The following TSHZ2 variants were observed in gnomAD, a reference collection of about 807,000 sequenced individuals.
TSHZ2 encodes teashirt zinc finger homeobox 2, also known as teashirt homolog 2.
A neutral mutation model predicts 74.4 loss-of-function variants in TSHZ2; 21 were observed. That is an observed-to-expected ratio of 0.28 (90% confidence interval 0.20 to 0.41). The LOEUF is 0.41. Ranked by LOEUF, TSHZ2 falls within the 10% of genes least tolerant of loss-of-function variation. The pLI is 1.00. For synonymous variants in TSHZ2, 540 were observed against 515.3 expected, an observed-to-expected ratio of 1.05 and a Z score of -0.65; for missense variants, 1,244 against 1,293.5, an observed-to-expected ratio of 0.96 and a Z score of 0.59.
intron 2 of TSHZ2, chr20:53,421,512 CA>C: frequency 4.3e-6 from 1 of 233,582 alleles, no homozygotes; most frequent in Non-Finnish European, 9.0e-6. Flanking sequence ...TCTGCACTGC[CA>C]AAATCGAGTG....
At chr20:53,392,284 A>G (rs541807845) in intron 2 of TSHZ2, among the ~76,000 whole-genome samples, 4 of 152,158 alleles carry the variant, frequency 2.6e-5, no homozygotes, top group African/African-American at 4.8e-5. Flanking sequence ...ATCTCTACTA[A>G]ATACAAAAAA....
At chr20:53,366,279 A>G (rs371482695) in intron 2 of TSHZ2, among the ~76,000 whole-genome samples, 2 of 152,198 alleles carry the variant, frequency 1.3e-5, no homozygotes, top group South Asian at 2.1e-4. Flanking sequence ...ATTCAGTCCC[A>G]CTGTCCACAG....
chr20:52,994,604 C>T (rs1470344429), intron 1 of TSHZ2, among the ~76,000 whole-genome samples: 1 of 152,200 alleles, frequency 6.6e-6, no homozygotes. Flanking sequence ...TTTTCATTAG[C>T]AATGGTTCCC....
At chr20:53,402,534 A>T (rs995834205) in intron 2 of TSHZ2, among the ~76,000 whole-genome samples, 1 of 152,184 alleles carries the variant, frequency 6.6e-6, no homozygotes, top group Admixed American at 6.5e-5. Flanking sequence ...TCACCTAAGG[A>T]TGCATTTCTC....
chr20:53,177,175 C>T (rs1000881041), intron 1 of TSHZ2, among the ~76,000 whole-genome samples: 8 of 152,178 alleles, frequency 5.3e-5, no homozygotes, highest in Admixed American at 3.9e-4. Flanking sequence ...TGAACCACTG[C>T]ATCCAACCAC....
chr20:53,002,475 A>G (rs1161775855), intron 1 of TSHZ2, among the ~76,000 whole-genome samples: 1 of 152,156 alleles, frequency 6.6e-6, no homozygotes, highest in Non-Finnish European at 1.5e-5. Flanking sequence ...TTACCCTGAA[A>G]AATAAACCAA....
chr20:53,401,312 A>G (rs979987544), intron 2 of TSHZ2: 5 of 152,278 alleles, frequency 3.3e-5, no homozygotes, highest in Non-Finnish European at 7.3e-5. Context: ...GGCTGCACAT[A>G]GGACAGTGGT....
chr20:53,038,543 T>C (rs977547644), intron 1 of TSHZ2, among the ~76,000 whole-genome samples: 3 of 152,180 alleles, frequency 2.0e-5, no homozygotes. Context: ...GATGACATAA[T>C]GGCTGCCTTT....
chr20:53,056,635 A>C (rs888634535), intron 1 of TSHZ2, among the ~76,000 whole-genome samples: 1 of 152,110 alleles, frequency 6.6e-6, no homozygotes, highest in Non-Finnish European at 1.5e-5. Context: ...ATATTCCTCC[A>C]TACCAACTAC....
At chr20:53,140,769 C>T (rs1313380362) in intron 1 of TSHZ2, among the ~76,000 whole-genome samples, 2 of 152,108 alleles carry the variant, frequency 1.3e-5, no homozygotes, top group Admixed American at 6.5e-5. Context: ...GACCTTCTGC[C>T]GTTGGTGGTT....
rs967212345 is a variant in TSHZ2, at chr20:53,225,449, C to T, written c.41-28050C>T. Among the ~76,000 whole-genome samples the T allele has an allele frequency of 5.9e-5, 9 of 152,170 alleles. 1 individual carries two copies. Among genetic ancestry groups the T allele is most frequent in the African/African-American group, 1.7e-4 (7 of 41,438 alleles). ...ATTAACGGAGAGAGCTGGATTCTGA[C>T]GAAGGTTAACGGAGATTGGAAGGCC... On this transcript the variant is annotated intron_variant, in intron 1 of 2. Coordinates refer to ENST00000371497, the MANE Select transcript of TSHZ2 (RefSeq NM_173485.6).
Position 53,110,181 on chromosome 20 carries a change from T to G in TSHZ2, c.40+136848T>G, listed in dbSNP as rs1986491433. Reference sequence around the variant, plus strand: ...CCAAATTCTTACAACCATCTTCACTTAATTCTGTTCACTGCCCCGCCCCTC... The same window carrying G: ...CCAAATTCTTACAACCATCTTCACTGAATTCTGTTCACTGCCCCGCCCCTC... On this transcript the variant is annotated intron_variant, in intron 1 of 2. Coordinates refer to ENST00000371497, the MANE Select transcript of TSHZ2 (RefSeq NM_173485.6). 2.0e-5 allele frequency among the ~76,000 whole-genome samples: 3 copies of G among 152,132 alleles called. No individual in the cohort carries two copies. The South Asian group carries it at 6.2e-4, about 32-fold the overall frequency.
At chr20:53,270,670 C>A (rs908154034) in intron 2 of TSHZ2, among the ~76,000 whole-genome samples, 3 of 152,036 alleles carry the variant, frequency 2.0e-5, no homozygotes, top group South Asian at 2.1e-4. Context: ...TGCCTCCCCC[C>A]CAAAAAAAGC....
intron 1 of TSHZ2, among the ~76,000 whole-genome samples, chr20:53,138,922 T>C (rs1309106914): frequency 2.0e-5 from 3 of 152,194 alleles, no homozygotes; most frequent in Non-Finnish European, 2.9e-5. Flanking sequence ...AGGAAATGAA[T>C]AGCTGAGTGA....
chr20:53,476,470 TA>T (rs942310634), intron 2 of TSHZ2, among the ~76,000 whole-genome samples: 1 of 152,088 alleles, frequency 6.6e-6, no homozygotes, highest in African/African-American at 2.4e-5. Context: ...CACTTCGTGC[TA>T]AAAACTCTCA....
At chr20:53,175,807 G>A (rs1354711984) in intron 1 of TSHZ2, among the ~76,000 whole-genome samples, 1 of 152,212 alleles carries the variant, frequency 6.6e-6, no homozygotes, top group Admixed American at 6.5e-5. Context: ...ATGTCACAAA[G>A]ACTGACTTCC....
At chr20:53,224,869 A>T (rs1209315150) in intron 1 of TSHZ2, among the ~76,000 whole-genome samples, 2 of 151,982 alleles carry the variant, frequency 1.3e-5, no homozygotes, top group East Asian at 3.9e-4. Flanking sequence ...AAAAAAAAAA[A>T]AGAACTTAAT....
intron 2 of TSHZ2, among the ~76,000 whole-genome samples, chr20:53,334,093 G>T (rs1410023247): frequency 6.6e-6 from 1 of 152,190 alleles, no homozygotes; most frequent in African/African-American, 2.4e-5. Context: ...ATTCTTCCAT[G>T]TATTCATTCA....
intron 1 of TSHZ2, among the ~76,000 whole-genome samples, chr20:53,119,111 C>T (rs548081587): frequency 5.9e-5 from 9 of 152,292 alleles, no homozygotes; most frequent in South Asian, 2.1e-4. Flanking sequence ...GCCTCACCTC[C>T]AACACTGGGG....
Sources: gnomAD v4.1 joint callset for allele counts (sites outside exome capture counted in the v4.1 genomes callset) on GRCh38, gnomAD v4.1.1 for gene constraint, MANE v1.5 for transcripts, NCBI Gene and HGNC (gene_info 2026-07-23, HGNC 2026-07-21) for gene names.